Variants in TENM2 observed in about 807,000 individuals in gnomAD.
The protein encoded by TENM2 is teneurin transmembrane protein 2, also known as teneurin-2.
Under a neutral mutation model 245.2 loss-of-function variants are expected in TENM2, and 52 were observed. That is an observed-to-expected ratio of 0.21 (90% confidence interval 0.17 to 0.27). The LOEUF is 0.27. Ranked by LOEUF, TENM2 falls within the 10% of genes least tolerant of loss-of-function variation. The pLI is 1.00. For missense variants in TENM2, 3,046 were observed against 3,666.8 expected (o/e 0.83, Z 4.37); for synonymous variants, 1,363 against 1,438.9 (o/e 0.95, Z 1.19).
chr5:167,976,583 G>A (rs891514582), intron 4 of TENM2, among the ~76,000 whole-genome samples: 1 of 152,126 alleles, frequency 6.6e-6, no homozygotes, highest in Non-Finnish European at 1.5e-5. Context: ...TATGACAGAA[G>A]TAGAAAGGCC....
intron 1 of TENM2, among the ~76,000 whole-genome samples, chr5:167,288,293 C>G (rs1754411013): frequency 6.6e-6 from 1 of 152,090 alleles, no homozygotes. Flanking sequence ...GGCGCGGTGG[C>G]TCACACCTGT....
chr5:167,427,807 CGGAAAGGAA>C (rs1763954943), intron 2 of TENM2, among the ~76,000 whole-genome samples: 2 of 59,106 alleles, frequency 3.4e-5, no homozygotes, highest in African/African-American at 8.5e-5. Context: ...GAAGGAAGGA[CGGAAAGGAA>C]GGGAAGGAAG....
At chr5:167,163,013 G>A in the TENM2 span, among the ~76,000 whole-genome samples, 2 of 152,292 alleles carry the variant, frequency 1.3e-5, no homozygotes, top group South Asian at 4.1e-4. Flanking sequence ...TCCAACAGTA[G>A]AGATGCCCAC....
chr5:168,091,919 A>C (rs1317225414), intron 8 of TENM2, among the ~76,000 whole-genome samples: 2 of 152,218 alleles, frequency 1.3e-5, no homozygotes, highest in African/African-American at 4.8e-5. Flanking sequence ...TCAGCTGTGA[A>C]AAGGTAATGA....
At chr5:167,710,349 A>G (rs76548632) in intron 2 of TENM2, among the ~76,000 whole-genome samples, 1 of 76,904 alleles carries the variant, frequency 1.3e-5, no homozygotes, top group Non-Finnish European at 2.4e-5. Context: ...TTCATGGGGG[A>G]AAAAAACAAC....
intron 3 of TENM2, among the ~76,000 whole-genome samples, chr5:167,909,302 G>A (rs1291346064): frequency 1.3e-5 from 2 of 151,932 alleles, no homozygotes; most frequent in African/African-American, 2.4e-5. Context: ...TACTTTCACG[G>A]TATTAACTAC....
chr5:168,049,533 T>A (rs1413355004), intron 6 of TENM2, among the ~76,000 whole-genome samples: 2 of 152,128 alleles, frequency 1.3e-5, no homozygotes, highest in African/African-American at 2.4e-5. Context: ...GATCAAGCAC[T>A]CCTCCCATTT....
chr5:167,879,009 A>G (rs986120987), intron 3 of TENM2, among the ~76,000 whole-genome samples: 1 of 152,186 alleles, frequency 6.6e-6, no homozygotes, highest in Non-Finnish European at 1.5e-5. Context: ...CTCTCCTCTT[A>G]TAGTTGCTGT....
At chr5:167,697,371 T>C (rs1757833483) in intron 2 of TENM2, among the ~76,000 whole-genome samples, 1 of 152,216 alleles carries the variant, frequency 6.6e-6, no homozygotes, top group African/African-American at 2.4e-5. Flanking sequence ...TTATTTCGAA[T>C]TGTAATCACG....
the TENM2 span, among the ~76,000 whole-genome samples, chr5:166,996,557 T>G: frequency 6.6e-5 from 10 of 152,218 alleles, no homozygotes; most frequent in Non-Finnish European, 1.0e-4. Context: ...GTCTACTATT[T>G]GGCCCTTTAC....
At chr5:167,459,153 C>G (rs1318589215) in intron 2 of TENM2, among the ~76,000 whole-genome samples, 1 of 152,146 alleles carries the variant, frequency 6.6e-6, no homozygotes, top group African/African-American at 2.4e-5. Context: ...GCCCTATTTC[C>G]CCCTTCCCAT....
chr5:167,276,054 G>C, the TENM2 span, among the ~76,000 whole-genome samples: 1 of 151,904 alleles, frequency 6.6e-6, no homozygotes, highest in East Asian at 1.9e-4. Context: ...AATCTCTTTT[G>C]TTCATGGTGT....
chr5:167,452,950 T>TATATACATTTTAA lies in TENM2; in HGVS notation c.502+77482_502+77483insCATTTTAAATATA, dbSNP rs1765687965. ...TATGATTTATATATATATATATATATATATATATATATTTAAAAAAAAAAA... is the reference window on the plus strand; with the variant it reads ...TATGATTTATATATATATATATATATATATACATTTTAAATATATATATATTTAAAAAAAAAAA... On this transcript the variant is annotated intron_variant, in intron 2 of 28. Coordinates refer to ENST00000518659, the Ensembl canonical transcript of TENM2. Among the ~76,000 whole-genome samples, 37 of 99,650 alleles carry TATATACATTTTAA rather than the reference T, an allele frequency of 3.7e-4. 2 individuals carry two copies. Among genetic ancestry groups the TATATACATTTTAA allele is most frequent in the African/African-American group, 1.2e-3 (34 of 29,480 alleles). The allele number at this position is 99,650 out of a possible 152,430, so 65.4% of individuals were successfully genotyped here. A position where few individuals can be genotyped will look rare whatever the true frequency, so the allele number is the denominator to read the frequency against.
chr5:167,431,036 G>A (rs1314471272), intron 2 of TENM2, among the ~76,000 whole-genome samples: 1 of 151,974 alleles, frequency 6.6e-6, no homozygotes, highest in Non-Finnish European at 1.5e-5. Flanking sequence ...TCTCTTATTT[G>A]GGGAATCCCA....
At chr5:167,514,311 C>A (rs1770166156) in intron 2 of TENM2, among the ~76,000 whole-genome samples, 1 of 152,142 alleles carries the variant, frequency 6.6e-6, no homozygotes, top group African/African-American at 2.4e-5. Flanking sequence ...ATGAACACGG[C>A]CCCATCACCT....
chr5:167,047,547 A>G, the TENM2 span, among the ~76,000 whole-genome samples: 3 of 152,220 alleles, frequency 2.0e-5, no homozygotes, highest in African/African-American at 2.4e-5. Context: ...GAAGACTTTT[A>G]TATGTAAATC....
At chr5:167,799,367 G>A (rs934585790) in intron 2 of TENM2, among the ~76,000 whole-genome samples, 9 of 152,174 alleles carry the variant, frequency 5.9e-5, no homozygotes, top group African/African-American at 1.2e-4. Context: ...CTCTGGTTGA[G>A]TGTTTTTGTA....
chr5:167,429,469 G>A (rs1764071385), intron 2 of TENM2, among the ~76,000 whole-genome samples: 1 of 152,158 alleles, frequency 6.6e-6, no homozygotes, highest in African/African-American at 2.4e-5. Flanking sequence ...ATGTAATTTG[G>A]AAGTAGGGGG....
the TENM2 span, among the ~76,000 whole-genome samples, chr5:167,251,224 A>G: frequency 6.6e-6 from 1 of 152,158 alleles, no homozygotes; most frequent in Non-Finnish European, 1.5e-5. Flanking sequence ...TGGAAGAACG[A>G]GAACTGGCTG....
Sources: gnomAD v4.1 joint callset for allele counts (sites outside exome capture counted in the v4.1 genomes callset) on GRCh38, gnomAD v4.1.1 for gene constraint, MANE v1.5 for transcripts, NCBI Gene and HGNC (gene_info 2026-07-23, HGNC 2026-07-21) for gene names.